The following CNGB3 variants were observed in gnomAD, a reference collection of about 807,000 sequenced individuals.
CNGB3 encodes cyclic nucleotide gated channel subunit beta 3, also known as cyclic nucleotide-gated channel beta-3.
CNGB3 carries 86 observed loss-of-function variants against 92.8 expected under a neutral mutation model. The ratio of observed to expected loss-of-function variants is 0.93; its 90% CI spans 0.78 to 1.11. The LOEUF is 1.11. CNGB3 is among the 50% of genes least tolerant of loss of function. The pLI, the probability that CNGB3 is intolerant of heterozygous loss-of-function variation, is 0.00. For synonymous variants in CNGB3, 333 were observed against 332.7 expected, an observed-to-expected ratio of 1.00 and a Z score of -0.01; for missense variants, 1,026 against 956.8, an observed-to-expected ratio of 1.07 and a Z score of -0.95.
intron 15 of CNGB3, chr8:86,594,692 C>T (rs1170493698): frequency 8.1e-6 from 1 of 123,970 alleles, no homozygotes; most frequent in Non-Finnish European, 1.4e-5. Context: ...CTTTAGACAG[C>T]TTTTTTGTTT....
intron 15 of CNGB3, among the ~76,000 whole-genome samples, chr8:86,585,557 T>C (rs61684707): frequency 0.025 from 3,855 of 152,140 alleles, 143 homozygotes; most frequent in African/African-American, 0.087. Flanking sequence ...AGAGCATAAA[T>C]TGAATGTAGG....
At chr8:86,694,562 A>C (rs1824406335) in intron 3 of CNGB3, among the ~76,000 whole-genome samples, 1 of 149,912 alleles carries the variant, frequency 6.7e-6, no homozygotes, top group Non-Finnish European at 1.5e-5. Flanking sequence ...TGCCAGGCAT[A>C]GGGTCTCCTC....
chr8:86,705,406 G>A (rs1824634586), intron 3 of CNGB3, among the ~76,000 whole-genome samples: 1 of 151,958 alleles, frequency 6.6e-6, no homozygotes, highest in East Asian at 1.9e-4. Flanking sequence ...TGCCCCCGCT[G>A]CCCCCAACCC....
chr8:86,668,188 AAG>A lies in CNGB3; in HGVS notation c.494-22_494-21del. On this transcript the variant is annotated intron_variant, in intron 4 of 17. Coordinates refer to ENST00000320005, the MANE Select transcript of CNGB3 (RefSeq NM_019098.5). ...GCTTTGCTTCATAGGGAAAAAAAAA[AAG>A]ATGAAACATTTGAAGAGGTTAAGTT... 1.2e-6 allele frequency: 2 copies of A among 1,613,188 alleles called. No individual in the cohort carries two copies.
intron 3 of CNGB3, among the ~76,000 whole-genome samples, chr8:86,720,466 C>A (rs1040144233): frequency 2.6e-5 from 4 of 151,688 alleles, no homozygotes; most frequent in Non-Finnish European, 5.9e-5. Context: ...CTCACTCCTG[C>A]AATAATGGCC....
At chr8:86,668,273 G>A in intron 4 of CNGB3, 105 bp from the exon 5 acceptor site, 6 of 1,210,298 alleles carry the variant, frequency 5.0e-6, no homozygotes, top group Non-Finnish European at 7.1e-6. Flanking sequence ...ACTCATAAGT[G>A]GGAGTTGAAC....
intron 3 of CNGB3, among the ~76,000 whole-genome samples, chr8:86,724,252 T>C (rs1352587808): frequency 2.6e-5 from 4 of 152,114 alleles, no homozygotes; most frequent in Non-Finnish European, 4.4e-5. Flanking sequence ...TGAAAAGCCA[T>C]GTTAGAAGAG....
chr8:86,722,087 A>G (rs1395545820), intron 3 of CNGB3, among the ~76,000 whole-genome samples: 1 of 152,166 alleles, frequency 6.6e-6, no homozygotes, highest in Non-Finnish European at 1.5e-5. Context: ...ACTATAGTGT[A>G]AAAGTCAGTC....
At chr8:86,598,406 GAAGTA>G (rs957637454) in intron 15 of CNGB3, among the ~76,000 whole-genome samples, 34 of 152,328 alleles carry the variant, frequency 2.2e-4, no homozygotes, top group African/African-American at 8.2e-4. Flanking sequence ...CATGTAGGGT[GAAGTA>G]GAGTGTCAAG....
chr8:86,738,772 T>C (rs562768768), intron 2 of CNGB3, among the ~76,000 whole-genome samples: 1 of 137,712 alleles, frequency 7.3e-6, no homozygotes, highest in African/African-American at 2.8e-5. Context: ...ACCCGGGAGG[T>C]GGAGCTTGCA....
At chr8:86,705,774 G>A (rs1463938259) in intron 3 of CNGB3, among the ~76,000 whole-genome samples, 1 of 152,214 alleles carries the variant, frequency 6.6e-6, no homozygotes, top group Non-Finnish European at 1.5e-5. Context: ...TAGGTCGGCA[G>A]TGAGACAGTA....
At chr8:86,589,589 G>A (rs1392865472) in intron 15 of CNGB3, among the ~76,000 whole-genome samples, 1 of 151,868 alleles carries the variant, frequency 6.6e-6, no homozygotes, top group Non-Finnish European at 1.5e-5. Context: ...CCTTCATTTC[G>A]TTATGTACCC....
At chr8:86,741,303 T>G (rs1218667035) in intron 1 of CNGB3, among the ~76,000 whole-genome samples, 1 of 152,226 alleles carries the variant, frequency 6.6e-6, no homozygotes, top group African/African-American at 2.4e-5. Flanking sequence ...GGAGATAAAC[T>G]ATTTTTTCCC....
chr8:86,638,828 G>T (rs1167795254), intron 10 of CNGB3, among the ~76,000 whole-genome samples: 2 of 146,202 alleles, frequency 1.4e-5, no homozygotes, highest in Non-Finnish European at 3.0e-5. Context: ...TTTGCTCTGG[G>T]TTTTTTTTTT....
intron 3 of CNGB3, among the ~76,000 whole-genome samples, chr8:86,694,120 G>C (rs550100064): frequency 4.6e-5 from 6 of 130,740 alleles, no homozygotes; most frequent in Admixed American, 3.0e-4. Flanking sequence ...CTGGCCGGGC[G>C]GGGGGCTGAC....
chr8:86,623,973 T>C (rs1279704991), intron 13 of CNGB3, among the ~76,000 whole-genome samples: 1 of 152,220 alleles, frequency 6.6e-6, no homozygotes, highest in Non-Finnish European at 1.5e-5. Flanking sequence ...CACAGATGGT[T>C]GTGATAACTT....
chr8:86,667,121 A>G lies in CNGB3; in HGVS notation c.656T>C (p.Leu219Pro). The G allele has an allele frequency of 6.2e-7, 1 of 1,614,014 alleles. No individual in the cohort carries two copies. The highest frequency in any genetic ancestry group is 2.2e-5 in the East Asian group (1 of 44,882). Reference protein sequence around the residue: ...SIDSYTDRLYLLWLLLVTLAY... With the variant: ...SIDSYTDRLYPLWLLLVTLAY... ...AAGAGTGACAAGCAAGAGCCACAGG[A>G]GATAGAGTCGATCTGGAAAAACAGC... is the stretch of plus-strand genomic sequence containing the variant. The change falls in exon 6 of 18, where the codon CTC (leucine) becomes CCC (proline). Residue 219 changes from leucine to proline, a missense_variant. Leu to Pro is a moderately conservative substitution (Grantham distance 98). Coordinates refer to ENST00000320005, the MANE Select transcript of CNGB3 (RefSeq NM_019098.5).
chr8:86,645,965 G>C lies in CNGB3; in HGVS notation c.991-1279C>G, dbSNP rs185951036. Reference sequence around the variant, plus strand: ...AATAAGTTATATGAATGGACTATGGGGCTTTGAAAAGAAGATTAATGTTGA... The same window carrying C: ...AATAAGTTATATGAATGGACTATGGCGCTTTGAAAAGAAGATTAATGTTGA... On this transcript the variant is annotated intron_variant, in intron 8 of 17. Transcript: ENST00000320005. Among the ~76,000 whole-genome samples, 4 of 151,154 alleles carry C rather than the reference G, an allele frequency of 2.6e-5. No individual in the cohort carries two copies. In the East Asian group the frequency reaches 7.8e-4, roughly 29 times the overall value.
At chr8:86,666,493 A>G (rs1202564713) in intron 6 of CNGB3, among the ~76,000 whole-genome samples, 2 of 152,158 alleles carry the variant, frequency 1.3e-5, no homozygotes, top group African/African-American at 4.8e-5. Context: ...CAGTTTCCTC[A>G]TTTGTAAATG....
Sources: allele counts gnomAD v4.1 joint callset (sites outside exome capture counted in the v4.1 genomes callset), GRCh38; gene constraint gnomAD v4.1.1; transcripts MANE v1.5; gene names NCBI Gene and HGNC (gene_info 2026-07-23, HGNC 2026-07-21).